The following SARNP variants were observed in gnomAD, a reference collection of about 807,000 sequenced individuals.
SARNP encodes SAP domain-containing ribonucleoprotein.
SARNP carries 5 observed loss-of-function variants against 38.1 expected under a neutral mutation model. That is an observed-to-expected ratio of 0.13 (90% CI 0.07 to 0.28). The LOEUF is 0.28. Among genes scored for constraint, SARNP ranks in the 10% least tolerant of loss-of-function variants. The probability of loss-of-function intolerance (pLI) is 1.00; values close to 1 mark genes in which losing one functional copy is unlikely to be tolerated. For synonymous variants in SARNP, 84 were observed against 80.6 expected (o/e 1.04, Z -0.23); for missense variants, 180 against 243.9 (o/e 0.74, Z 1.75).
intron 9 of SARNP, among the ~76,000 whole-genome samples, chr12:55,779,511 C>T (rs1432899279): frequency 6.6e-6 from 1 of 152,174 alleles, no homozygotes; most frequent in South Asian, 2.1e-4. Context: ...ATTCTTCTAC[C>T]ACTACTTCCT....
chr12:55,804,118 G>A (rs1439699029), intron 1 of SARNP, among the ~76,000 whole-genome samples: 1 of 152,126 alleles, frequency 6.6e-6, no homozygotes, highest in Non-Finnish European at 1.5e-5. Context: ...TGATCTAAAA[G>A]CAGATTCTCC....
chr12:55,811,995 C>G (rs1880341483), intron 1 of SARNP, among the ~76,000 whole-genome samples: 1 of 152,192 alleles, frequency 6.6e-6, no homozygotes, highest in Non-Finnish European at 1.5e-5. Context: ...ACAGAGTGAT[C>G]TTTTGAAAAT....
intron 9 of SARNP, 164 bp from the exon 10 acceptor site, chr12:55,760,804 A>C (rs755248574): frequency 3.3e-6 from 2 of 601,092 alleles, no homozygotes; most frequent in African/African-American, 1.8e-5. Flanking sequence ...ATAAGCTAGC[A>C]TATACTATGT....
chr12:55,795,921 AT>A lies in SARNP; in HGVS notation c.303+103del, dbSNP rs1002415917. The A allele has an allele frequency of 3.7e-5, 31 of 833,952 alleles. No individual in the cohort carries two copies. The African/African-American group carries it at 4.5e-4, about 12-fold the overall frequency. 51.7% of individuals were successfully genotyped at this position (833,952 alleles called of 1,614,324 possible). A position where few individuals can be genotyped will look rare whatever the true frequency, so the allele number is the denominator to read the frequency against. ...TCAACACCAAAATCTGCCAATACTG[AT>A]TTTCTGCCTGTGAATAAATTTTAGA... On this transcript the variant is annotated intron_variant, in intron 5 of 10. Transcript: ENST00000336133.
chr12:55,773,006 T>C (rs1397013136), intron 9 of SARNP, among the ~76,000 whole-genome samples: 1 of 152,146 alleles, frequency 6.6e-6, no homozygotes, highest in Non-Finnish European at 1.5e-5. Flanking sequence ...TGAGCCACCA[T>C]GCCCAGCCTG....
intron 1 of SARNP, among the ~76,000 whole-genome samples, chr12:55,816,217 G>A (rs959716768): frequency 1.3e-5 from 2 of 152,142 alleles, no homozygotes; most frequent in African/African-American, 4.8e-5. Context: ...GGACAAATAG[G>A]AAGAAAATAT....
chr12:55,792,172 C>A (rs1879690222), intron 7 of SARNP, among the ~76,000 whole-genome samples: 2 of 152,014 alleles, frequency 1.3e-5, no homozygotes, highest in African/African-American at 2.4e-5. Flanking sequence ...CAACTAAGAG[C>A]CAGAAAAAAA....
At chr12:55,807,733 G>C (rs1280675011) in intron 1 of SARNP, among the ~76,000 whole-genome samples, 2 of 150,694 alleles carry the variant, frequency 1.3e-5, no homozygotes, top group Admixed American at 1.3e-4. Flanking sequence ...AGAACGGCGT[G>C]AACCCGGGAG....
chr12:55,804,645 T>A (rs531890352), intron 1 of SARNP, among the ~76,000 whole-genome samples: 1 of 152,148 alleles, frequency 6.6e-6, no homozygotes, highest in Non-Finnish European at 1.5e-5. Flanking sequence ...CATAGGTAAC[T>A]GAAATATAGA....
chr12:55,801,944 C>G (rs1879992049), intron 2 of SARNP, among the ~76,000 whole-genome samples: 1 of 152,036 alleles, frequency 6.6e-6, no homozygotes, highest in South Asian at 2.1e-4. Context: ...CTAAAATCAA[C>G]AAAACAATAG....
chr12:55,767,849 A>G (rs1265047680), intron 9 of SARNP, among the ~76,000 whole-genome samples: 4 of 86,172 alleles, frequency 4.6e-5, no homozygotes, highest in East Asian at 2.8e-4. Flanking sequence ...TCCCTCTCAG[A>G]AAAAAAAAAA....
At chr12:55,813,918 G>T (rs1880406989) in intron 1 of SARNP, among the ~76,000 whole-genome samples, 1 of 152,038 alleles carries the variant, frequency 6.6e-6, no homozygotes, top group Non-Finnish European at 1.5e-5. Context: ...CTGAGCTATG[G>T]TTTTTCTTAT....
At chr12:55,779,155 T>A (rs1441309921) in intron 9 of SARNP, among the ~76,000 whole-genome samples, 2 of 152,232 alleles carry the variant, frequency 1.3e-5, no homozygotes, top group African/African-American at 2.4e-5. Flanking sequence ...CTATCTACCA[T>A]AGAGTTATCT....
chr12:55,782,375 A>C (rs1879364600), intron 9 of SARNP, among the ~76,000 whole-genome samples: 1 of 152,116 alleles, frequency 6.6e-6, no homozygotes, highest in Non-Finnish European at 1.5e-5. Context: ...ATGTAGATGG[A>C]TTTCCTATAA....
rs183078193 is a variant in SARNP, at chr12:55,790,521, T to C, written c.432+46A>G. On this transcript the variant is annotated intron_variant, in intron 8 of 10. Transcript: ENST00000336133. ...GGAGGAGTCTCTAAAGTTAGCTATATAGAATTAAGATCTGGGTGTGTAAGA... is the reference window on the plus strand; with the variant it reads ...GGAGGAGTCTCTAAAGTTAGCTATACAGAATTAAGATCTGGGTGTGTAAGA... 2,706 of 1,538,748 alleles carry C rather than the reference T, an allele frequency of 1.8e-3. 7 individuals carry two copies. Among genetic ancestry groups the C allele is most frequent in the Non-Finnish European group, 2.2e-3 (2,503 of 1,143,798 alleles).
At chr12:55,755,821 A>C (rs1384048626), downstream of SARNP, 5 of 152,200 alleles carry the variant, frequency 3.3e-5, no homozygotes, top group Admixed American at 6.5e-5. Flanking sequence ...CAAATTGGAA[A>C]ACACTGTTCA....
intron 9 of SARNP, among the ~76,000 whole-genome samples, chr12:55,770,873 G>C (rs547135634): frequency 6.6e-6 from 1 of 151,940 alleles, no homozygotes; most frequent in African/African-American, 2.4e-5. Flanking sequence ...TGCCAAAAGG[G>C]GTCCAATTTG....
intron 9 of SARNP, among the ~76,000 whole-genome samples, chr12:55,767,788 A>G (rs913160259): frequency 1.6e-4 from 22 of 141,700 alleles, no homozygotes; most frequent in Non-Finnish European, 2.9e-4. Context: ...CAGAGCTTGC[A>G]GTGAGCCGAG....
Position 55,772,791 on chromosome 12 carries a change from C to T in SARNP, c.502-12151G>A, listed in dbSNP as rs150850888. Among the ~76,000 whole-genome samples, 475 of 151,402 alleles carry T rather than the reference C, an allele frequency of 3.1e-3. 2 individuals carry two copies. Among genetic ancestry groups the T allele is most frequent in the African/African-American group, 0.011 (440 of 41,148 alleles). ...GTGCAATGGCATGATCTCAGCTCAC[C>T]ACAACCTTCACCTCCCGGGTTCAAG... On this transcript the variant is annotated intron_variant, in intron 9 of 10. Coordinates refer to ENST00000336133, the MANE Select transcript of SARNP (RefSeq NM_033082.4).
Sources: allele counts gnomAD v4.1 joint callset (sites outside exome capture counted in the v4.1 genomes callset), GRCh38; gene constraint gnomAD v4.1.1; transcripts MANE v1.5; gene names NCBI Gene and HGNC (gene_info 2026-07-23, HGNC 2026-07-21).